The following COP1 variants were observed in gnomAD, a reference collection of about 807,000 sequenced individuals.
The protein encoded by COP1 is COP1 E3 ubiquitin ligase, also known as E3 ubiquitin-protein ligase COP1.
In COP1, 24 loss-of-function variants were observed where a neutral mutation model predicts 101.3. That is an observed-to-expected ratio of 0.24 (90% CI 0.17 to 0.33). The LOEUF (loss-of-function observed/expected upper bound fraction) is 0.33, where lower values mean the gene tolerates loss of function less well. Among genes scored for constraint, COP1 ranks in the 10% least tolerant of loss-of-function variants. The probability of loss-of-function intolerance (pLI) is 1.00; values close to 1 mark genes in which losing one functional copy is unlikely to be tolerated. For synonymous variants in COP1, 347 were observed against 341.9 expected, an observed-to-expected ratio of 1.01 and a Z score of -0.17; for missense variants, 663 against 906.2, an observed-to-expected ratio of 0.73 and a Z score of 3.45.
intron 15 of COP1, among the ~76,000 whole-genome samples, chr1:176,004,685 C>T (rs560502877): frequency 7.3e-5 from 11 of 150,420 alleles, no homozygotes; most frequent in African/African-American, 2.7e-4. Flanking sequence ...ACCAGCCTTG[C>T]ATCCCAGGGA....
chr1:175,976,294 T>TTTTTTTTTTTTTTTTTTC (rs1654560002), intron 18 of COP1, among the ~76,000 whole-genome samples: 1 of 144,118 alleles, frequency 6.9e-6, no homozygotes, highest in Non-Finnish European at 1.5e-5. Flanking sequence ...TTTTTTTTTT[T>TTTTTTTTTTTTTTTTTTC]TTAGACAGAG....
intron 5 of COP1, among the ~76,000 whole-genome samples, chr1:176,152,263 T>TA (rs1035498450): frequency 0.011 from 1,602 of 143,646 alleles, 11 homozygotes; most frequent in East Asian, 0.016. Context: ...TTCTCTCTCC[T>TA]AAAAAAAAAA....
At chr1:176,142,803 AT>A (rs1318232891) in intron 6 of COP1, among the ~76,000 whole-genome samples, 3 of 152,046 alleles carry the variant, frequency 2.0e-5, no homozygotes, top group Admixed American at 1.3e-4. Flanking sequence ...TATAATGAAA[AT>A]TAGAAATTAT....
At chr1:176,202,841 T>C (rs1283625356) in intron 1 of COP1, among the ~76,000 whole-genome samples, 1 of 151,730 alleles carries the variant, frequency 6.6e-6, no homozygotes, top group Non-Finnish European at 1.5e-5. Flanking sequence ...GGTACTAACA[T>C]CTGTCATGAC....
intron 9 of COP1, among the ~76,000 whole-genome samples, chr1:176,104,661 CT>C (rs1684000044): frequency 6.6e-6 from 1 of 152,128 alleles, no homozygotes; most frequent in South Asian, 2.1e-4. Context: ...CAAAGTCATT[CT>C]GTTAGAGGTG....
intron 18 of COP1, among the ~76,000 whole-genome samples, chr1:175,979,097 A>G (rs997377100): frequency 3.9e-5 from 6 of 152,136 alleles, no homozygotes; most frequent in African/African-American, 1.4e-4. Flanking sequence ...CCCAGTGGTA[A>G]CATGATTCAT....
chr1:175,988,451 T>G, intron 16 of COP1, 39 bp from the exon 17 acceptor site: 1 of 1,536,936 alleles, frequency 6.5e-7, no homozygotes, highest in Non-Finnish European at 8.8e-7. Flanking sequence ...TACTTAAAAT[T>G]TCTTGGCACG....
intron 18 of COP1, among the ~76,000 whole-genome samples, chr1:175,963,368 C>T (rs1247150722): frequency 6.6e-6 from 1 of 152,088 alleles, no homozygotes; most frequent in Non-Finnish European, 1.5e-5. Context: ...GTTTCTTAAA[C>T]ATCTATTGCA....
chr1:176,203,255 T>C (rs1181098941), intron 1 of COP1, among the ~76,000 whole-genome samples: 1 of 151,846 alleles, frequency 6.6e-6, no homozygotes, highest in Non-Finnish European at 1.5e-5. Flanking sequence ...GAGAATGGCG[T>C]GAACCCGGGA....
intron 1 of COP1, among the ~76,000 whole-genome samples, chr1:176,205,796 TATA>T (rs1700780726): frequency 6.6e-6 from 1 of 152,228 alleles, no homozygotes; most frequent in Non-Finnish European, 1.5e-5. Flanking sequence ...ACAAAATGTC[TATA>T]CCTAGCATTT....
intron 1 of COP1, among the ~76,000 whole-genome samples, chr1:176,200,557 G>T (rs1275965411): frequency 6.6e-6 from 1 of 152,142 alleles, no homozygotes; most frequent in Non-Finnish European, 1.5e-5. Context: ...ATTCCCAATG[G>T]TTACACCAGA....
chr1:175,977,242 T>C (rs1330005065), intron 18 of COP1, among the ~76,000 whole-genome samples: 2 of 152,196 alleles, frequency 1.3e-5, no homozygotes, highest in African/African-American at 2.4e-5. Flanking sequence ...AAAGACTTTA[T>C]CATTTAAACC....
intron 15 of COP1, among the ~76,000 whole-genome samples, chr1:176,014,114 C>G (rs1180836102): frequency 6.6e-6 from 1 of 152,106 alleles, no homozygotes; most frequent in Non-Finnish European, 1.5e-5. Flanking sequence ...CTTTCATTTG[C>G]AGAAAGCATG....
chr1:176,075,477 G>A (rs114405700), intron 11 of COP1, among the ~76,000 whole-genome samples: 2,826 of 152,226 alleles, frequency 0.019, 64 homozygotes, highest in South Asian at 0.027. Flanking sequence ...AGGGTTATTC[G>A]TTCTAAGAGA....
chr1:176,136,952 T>C (rs1689901170), intron 6 of COP1, among the ~76,000 whole-genome samples: 1 of 152,122 alleles, frequency 6.6e-6, no homozygotes, highest in Admixed American at 6.6e-5. Context: ...TTCACTATGT[T>C]GCCCAGGCTG....
chr1:176,161,251 T>C (rs1200603959), intron 5 of COP1, among the ~76,000 whole-genome samples: 1 of 152,174 alleles, frequency 6.6e-6, no homozygotes, highest in Admixed American at 6.5e-5. Flanking sequence ...TTTTCATCAT[T>C]TCAAAAGGGA....
chr1:176,162,837 TA>T (rs1488509033), intron 5 of COP1, 31 bp downstream of exon 5: 1 of 1,559,076 alleles, frequency 6.4e-7, no homozygotes, highest in Non-Finnish European at 8.7e-7. Context: ...GTTCATCATT[TA>T]AAATTTTTTT....
chr1:176,089,102 A>AC (rs1680787779), intron 9 of COP1, among the ~76,000 whole-genome samples: 1 of 151,572 alleles, frequency 6.6e-6, no homozygotes, highest in African/African-American at 2.4e-5. Flanking sequence ...GAAGTTCAAG[A>AC]CCAGCCTGGC....
intron 9 of COP1, among the ~76,000 whole-genome samples, chr1:176,097,033 A>G (rs896262584): frequency 6.6e-6 from 1 of 152,120 alleles, no homozygotes; most frequent in Non-Finnish European, 1.5e-5. Context: ...AATGCCTTGG[A>G]TTTTACTTTC....
Sources: allele counts gnomAD v4.1 joint callset (sites outside exome capture counted in the v4.1 genomes callset), GRCh38; gene constraint gnomAD v4.1.1; transcripts MANE v1.5; gene names NCBI Gene and HGNC (gene_info 2026-07-23, HGNC 2026-07-21).